NKAIN3: variants seen among roughly 807,000 people sequenced by gnomAD.
The protein encoded by NKAIN3 is sodium/potassium transporting ATPase interacting 3.
Under a neutral mutation model 30.2 loss-of-function variants are expected in NKAIN3, and 25 were observed. The observed-to-expected ratio is 0.83, with a 90% CI of 0.60 to 1.16. The LOEUF (loss-of-function observed/expected upper bound fraction) is 1.16. Ranked by LOEUF, NKAIN3 falls within the 50% of genes most tolerant of loss-of-function variation. The pLI is 0.00. For missense variants in NKAIN3, 225 were observed against 254.1 expected, an observed-to-expected ratio of 0.89 and a Z score of 0.78; for synonymous variants, 91 against 89.6, an observed-to-expected ratio of 1.02 and a Z score of -0.09.
chr8:62,390,668 G>A (rs1426674119), intron 1 of NKAIN3, among the ~76,000 whole-genome samples: 1 of 152,080 alleles, frequency 6.6e-6, no homozygotes, highest in African/African-American at 2.4e-5. Context: ...CAGAGTAAAA[G>A]CATTCCTTTT....
At chr8:62,802,837 A>C (rs1818118842) in intron 4 of NKAIN3, among the ~76,000 whole-genome samples, 1 of 152,222 alleles carries the variant, frequency 6.6e-6, no homozygotes, top group Non-Finnish European at 1.5e-5. Context: ...ATAAAGAGTC[A>C]AGACCCATCA....
At chr8:62,706,077 C>T (rs1331394140) in intron 3 of NKAIN3, among the ~76,000 whole-genome samples, 1 of 152,026 alleles carries the variant, frequency 6.6e-6, no homozygotes, top group Non-Finnish European at 1.5e-5. Context: ...TAGTTTTTGT[C>T]TTTATCTTTT....
At chr8:62,661,105 T>C (rs1812929832) in intron 3 of NKAIN3, among the ~76,000 whole-genome samples, 1 of 152,278 alleles carries the variant, frequency 6.6e-6, no homozygotes, top group African/African-American at 2.4e-5. Flanking sequence ...TAGAGAAACA[T>C]ACATTATTCA....
chr8:62,940,263 T>C (rs1040372227), intron 5 of NKAIN3, among the ~76,000 whole-genome samples: 2 of 151,892 alleles, frequency 1.3e-5, no homozygotes, highest in African/African-American at 4.8e-5. Context: ...CCCAAATTTG[T>C]AAAATAATAA....
intron 6 of NKAIN3, among the ~76,000 whole-genome samples, chr8:62,955,579 C>T (rs1247761712): frequency 6.6e-6 from 1 of 151,936 alleles, no homozygotes; most frequent in African/African-American, 2.4e-5. Context: ...AAAAATGCTG[C>T]AATTTAAGAG....
At chr8:62,951,017 T>C (rs1281157317) in intron 5 of NKAIN3, among the ~76,000 whole-genome samples, 1 of 134,176 alleles carries the variant, frequency 7.5e-6, no homozygotes, top group Non-Finnish European at 1.6e-5. Flanking sequence ...AAACCAACAA[T>C]ACCACTCTCT....
intron 5 of NKAIN3, among the ~76,000 whole-genome samples, chr8:62,922,029 G>A (rs1401854164): frequency 6.6e-6 from 1 of 152,144 alleles, no homozygotes; most frequent in Non-Finnish European, 1.5e-5. Context: ...GCTAGTCTGG[G>A]TTGTATATGT....
intron 3 of NKAIN3, among the ~76,000 whole-genome samples, chr8:62,672,020 G>A (rs1365091118): frequency 6.6e-6 from 1 of 152,152 alleles, no homozygotes; most frequent in Non-Finnish European, 1.5e-5. Flanking sequence ...TGTAGGTCAT[G>A]TGTCCCATCT....
At chr8:62,785,396 C>A (rs1817482209) in intron 4 of NKAIN3, among the ~76,000 whole-genome samples, 2 of 152,030 alleles carry the variant, frequency 1.3e-5, no homozygotes, top group East Asian at 1.9e-4. Context: ...GAAAGTAGAT[C>A]AGTCGTCACT....
chr8:62,338,812 T>A (rs943227299), intron 1 of NKAIN3, among the ~76,000 whole-genome samples: 2 of 151,990 alleles, frequency 1.3e-5, no homozygotes, highest in African/African-American at 2.4e-5. Context: ...TTTTACTGCC[T>A]GCTTTATATT....
chr8:62,651,615 G>A (rs1454582220), intron 3 of NKAIN3, among the ~76,000 whole-genome samples: 18 of 152,184 alleles, frequency 1.2e-4, no homozygotes, highest in Non-Finnish European at 2.4e-4. Context: ...TTCATGGATA[G>A]CACTTTTTGT....
chr8:62,443,732 A>G (rs1805401029), intron 1 of NKAIN3, among the ~76,000 whole-genome samples: 1 of 151,866 alleles, frequency 6.6e-6, no homozygotes, highest in African/African-American at 2.4e-5. Context: ...ATTAGTTATT[A>G]TTATTTTCTT....
At chr8:62,653,065 A>G (rs7837461) in intron 3 of NKAIN3, among the ~76,000 whole-genome samples, 3,100 of 152,296 alleles carry the variant, frequency 0.02, 92 homozygotes, top group African/African-American at 0.069. Context: ...TGGTTTATTC[A>G]GAGTTACTGT....
chr8:62,855,971 G>T (rs1464154458), intron 4 of NKAIN3: 2 of 698,786 alleles, frequency 2.9e-6, no homozygotes, highest in Non-Finnish European at 5.3e-6. Flanking sequence ...CACTAAACAG[G>T]GTTGAGCTCC....
At chr8:62,950,410 C>G (rs921329601) in intron 5 of NKAIN3, among the ~76,000 whole-genome samples, 1 of 152,140 alleles carries the variant, frequency 6.6e-6, no homozygotes, top group Non-Finnish European at 1.5e-5. Flanking sequence ...ATTGCTCTAT[C>G]CCATCCATGA....
At chr8:62,400,344 G>A (rs1453646944) in intron 1 of NKAIN3, among the ~76,000 whole-genome samples, 2 of 151,702 alleles carry the variant, frequency 1.3e-5, no homozygotes, top group Non-Finnish European at 2.9e-5. Flanking sequence ...GCTAATTTTT[G>A]TATTTTTAGT....
intron 4 of NKAIN3, among the ~76,000 whole-genome samples, chr8:62,764,207 T>C (rs745312803): frequency 5.9e-5 from 9 of 152,246 alleles, no homozygotes; most frequent in Non-Finnish European, 8.8e-5. Flanking sequence ...CTCTGTCAGC[T>C]ACCCTGTACT....
At chr8:62,928,760 G>A (rs548304355) in intron 5 of NKAIN3, among the ~76,000 whole-genome samples, 2 of 152,366 alleles carry the variant, frequency 1.3e-5, no homozygotes, top group African/African-American at 4.8e-5. Context: ...TGGAGCCACA[G>A]TATCAAACGG....
intron 1 of NKAIN3, among the ~76,000 whole-genome samples, chr8:62,341,357 A>T (rs1268844105): frequency 6.6e-6 from 1 of 152,126 alleles, no homozygotes; most frequent in African/African-American, 2.4e-5. Context: ...AGCTTGGATG[A>T]CATGTTAACG....
Sources: gnomAD v4.1 joint callset for allele counts (sites outside exome capture counted in the v4.1 genomes callset) on GRCh38, gnomAD v4.1.1 for gene constraint, MANE v1.5 for transcripts, NCBI Gene and HGNC (gene_info 2026-07-23, HGNC 2026-07-21) for gene names.